The following TEX10 variants were observed in gnomAD, a reference collection of about 807,000 sequenced individuals.
TEX10 encodes testis expressed 10.
Under a neutral mutation model 104.4 loss-of-function variants are expected in TEX10, and 24 were observed. The ratio of observed to expected loss-of-function variants is 0.23; its 90% CI spans 0.17 to 0.32. The LOEUF (loss-of-function observed/expected upper bound fraction) is 0.32, where lower values mean the gene tolerates loss of function less well. TEX10 is among the 10% of genes least tolerant of loss of function. TEX10 has a pLI of 1.00. For synonymous variants in TEX10, 396 were observed against 393.4 expected (o/e 1.01, Z -0.08); for missense variants, 921 against 1,083.9 (o/e 0.85, Z 2.11).
rs1197463517 is a variant in TEX10, at chr9:100,329,423, A to G, written c.1490-148T>C. 2.4e-5 allele frequency: 19 copies of G among 799,742 alleles called. No homozygotes were observed. The East Asian group carries it at 5.3e-4, about 22-fold the overall frequency. 49.5% of individuals were successfully genotyped at this position (799,742 alleles called of 1,614,324 possible). On this transcript the variant is annotated intron_variant, in intron 6 of 14. Transcript: ENST00000374902. Reference sequence around the variant, plus strand: ...TAGACAACTACCATTGAAGTCCTATAGCAATAGCCTAATAAAAAAGTCAAA... The same window carrying G: ...TAGACAACTACCATTGAAGTCCTATGGCAATAGCCTAATAAAAAAGTCAAA...
chr9:100,324,430 C>T (rs541828600), intron 9 of TEX10, among the ~76,000 whole-genome samples: 80 of 152,138 alleles, frequency 5.3e-4, no homozygotes, highest in Non-Finnish European at 8.1e-4. Context: ...TAAAAAGGGA[C>T]TACTTTAGAT....
chr9:100,311,880 C>T (rs1834291263), intron 11 of TEX10, among the ~76,000 whole-genome samples: 2 of 152,062 alleles, frequency 1.3e-5, no homozygotes, highest in Non-Finnish European at 2.9e-5. Flanking sequence ...ATGAATATCA[C>T]TCTAGGAAGA....
In TEX10 at chr9:100,303,849, T is replaced by A. The variant is rs1430909657; in HGVS notation, c.2466-7A>T. The A allele has an allele frequency of 6.2e-7, 1 of 1,613,176 alleles. No homozygotes were observed. Among genetic ancestry groups the A allele is most frequent in the African/African-American group, 1.3e-5 (1 of 74,760 alleles). On this transcript the variant is annotated splice_polypyrimidine_tract_variant and splice_region_variant and intron_variant, in intron 13 of 14. Transcript: ENST00000374902. Reference sequence around the variant, plus strand: ...GACCCCCCACAGCTTGTCCCTACAATAACAGAGACAGAAATGAGTCAGTGA... The same window carrying A: ...GACCCCCCACAGCTTGTCCCTACAAAAACAGAGACAGAAATGAGTCAGTGA...
intron 11 of TEX10, among the ~76,000 whole-genome samples, chr9:100,316,170 A>AAT (rs1834413477): frequency 6.6e-6 from 1 of 152,230 alleles, no homozygotes; most frequent in African/African-American, 2.4e-5. Context: ...CATCAAAGAT[A>AAT]ATATACCATG....
chr9:100,308,728 C>G (rs1450888442), intron 12 of TEX10, 47 bp from the exon 13 acceptor site: 1 of 1,448,248 alleles, frequency 6.9e-7, no homozygotes, highest in African/African-American at 1.4e-5. Context: ...AACAGACCCG[C>G]TCCTCCACAT....
chr9:100,309,795 G>A (rs1564202782), intron 12 of TEX10, among the ~76,000 whole-genome samples: 1 of 152,174 alleles, frequency 6.6e-6, no homozygotes, highest in Non-Finnish European at 1.5e-5. Flanking sequence ...CAACTACAGA[G>A]GTATATCTAA....
intron 13 of TEX10, chr9:100,307,576 T>C (rs1011402271): frequency 3.3e-5 from 5 of 151,992 alleles, no homozygotes; most frequent in East Asian, 1.9e-4. Context: ...TCCACAAATA[T>C]GCAAAACAAA....
At chr9:100,337,575 C>T (rs568553195) in intron 5 of TEX10, among the ~76,000 whole-genome samples, 2 of 152,292 alleles carry the variant, frequency 1.3e-5, no homozygotes, top group Non-Finnish European at 2.9e-5. Flanking sequence ...TTGATTCTGT[C>T]CCCTCAACTC....
At chr9:100,351,984 T>G (rs1262764696) in intron 1 of TEX10, among the ~76,000 whole-genome samples, 1 of 151,056 alleles carries the variant, frequency 6.6e-6, no homozygotes. Flanking sequence ...CCCAATAGTT[T>G]CAAAGCTGAA....
chr9:100,334,210 C>T (rs1834946395), intron 5 of TEX10, among the ~76,000 whole-genome samples: 1 of 151,686 alleles, frequency 6.6e-6, no homozygotes, highest in African/African-American at 2.4e-5. Flanking sequence ...CACCTGGATA[C>T]ATCACTGTGA....
At chr9:100,313,823 C>G (rs1247983412) in intron 11 of TEX10, among the ~76,000 whole-genome samples, 14 of 145,244 alleles carry the variant, frequency 9.6e-5, no homozygotes, top group Admixed American at 2.1e-4. Context: ...CCGGCTTGGG[C>G]GACAGAGTGA....
intron 12 of TEX10, among the ~76,000 whole-genome samples, chr9:100,309,493 G>A (rs1350831192): frequency 6.6e-6 from 1 of 152,174 alleles, no homozygotes; most frequent in African/African-American, 2.4e-5. Context: ...AGTCAACGGA[G>A]AGTCTAATTC....
chr9:100,340,396 A>C, intron 4 of TEX10, 27 bp from the exon 5 acceptor site: 1 of 1,370,104 alleles, frequency 7.3e-7, no homozygotes, highest in Non-Finnish European at 9.9e-7. Flanking sequence ...GATTAGAAAA[A>C]TCTACAAGAA....
At chr9:100,331,513 T>C (rs1235983254) in intron 5 of TEX10, among the ~76,000 whole-genome samples, 1 of 152,184 alleles carries the variant, frequency 6.6e-6, no homozygotes, top group Non-Finnish European at 1.5e-5. Flanking sequence ...AAGGAAAAGA[T>C]TAATCCTAGT....
chr9:100,311,567 G>A (rs1834282604), intron 11 of TEX10, among the ~76,000 whole-genome samples: 1 of 152,130 alleles, frequency 6.6e-6, no homozygotes, highest in South Asian at 2.1e-4. Context: ...TTGCCCACCT[G>A]ATAGAGAAAT....
intron 5 of TEX10, among the ~76,000 whole-genome samples, chr9:100,338,209 G>A (rs1031326746): frequency 6.6e-6 from 1 of 152,200 alleles, no homozygotes; most frequent in Non-Finnish European, 1.5e-5. Context: ...TCCTATTGCT[G>A]CCAGTGTTGA....
chr9:100,317,246 T>C (rs957634791), intron 11 of TEX10, among the ~76,000 whole-genome samples: 1 of 152,138 alleles, frequency 6.6e-6, no homozygotes, highest in African/African-American at 2.4e-5. Flanking sequence ...TACTTTACAT[T>C]ACCTACAAGG....
At position 100,346,150 on chromosome 9, in the gene TEX10, T is replaced by C. The variant is rs1369531957; in HGVS notation, c.1059A>G (p.Leu353=). 1.2e-6 allele frequency: 2 copies of C among 1,613,920 alleles called. No homozygotes were observed. Among genetic ancestry groups the C allele is most frequent in the South Asian group, 2.2e-5 (2 of 91,074 alleles). Residue 353 remains leucine (L), a synonymous_variant, in exon 4 of 15, where the codon CTA becomes CTG. Coordinates refer to ENST00000374902, the MANE Select transcript of TEX10 (RefSeq NM_017746.4). ...PVGNGIEREP[L]QVMQQVLNII... is the part of the protein sequence containing the mutation. ...TATTAAGAACTTGCTGCATAACCTG[T>C]AGAGGTTCTCGTTCTATACCATTCC...
chr9:100,339,900 G>A (rs1835130805), intron 5 of TEX10, among the ~76,000 whole-genome samples: 1 of 151,874 alleles, frequency 6.6e-6, no homozygotes, highest in East Asian at 1.9e-4. Context: ...ATAAATGAGA[G>A]TGGAACTAGA....
Sources: gnomAD v4.1 joint callset for allele counts (sites outside exome capture counted in the v4.1 genomes callset) on GRCh38, gnomAD v4.1.1 for gene constraint, MANE v1.5 for transcripts, NCBI Gene and HGNC (gene_info 2026-07-23, HGNC 2026-07-21) for gene names.